The following KCP variants were observed in gnomAD, a reference collection of about 807,000 sequenced individuals.
KCP encodes kielin/chordin-like protein.
Under a neutral mutation model 212.7 loss-of-function variants are expected in KCP, and 194 were observed. That is an observed-to-expected ratio of 0.91 (90% CI 0.81 to 1.03). The LOEUF is 1.03. Among genes scored for constraint, KCP ranks in the 50% least tolerant of loss-of-function variants. KCP has a pLI of 0.00. For missense variants in KCP, 2,080 were observed against 2,162.5 expected, an observed-to-expected ratio of 0.96 and a Z score of 0.76; for synonymous variants, 833 against 865.3, an observed-to-expected ratio of 0.96 and a Z score of 0.65.
Position 128,880,512 on chromosome 7 carries a change from G to C in KCP, c.3633C>G (p.Cys1211Trp). 6.6e-7 allele frequency: 1 copy of C among 1,509,572 alleles called. No homozygotes were observed. The highest frequency in any genetic ancestry group is 8.9e-7 in the Non-Finnish European group (1 of 1,120,930). The allele number at this position is 1,509,572 out of a possible 1,614,324, so 93.5% of individuals were successfully genotyped here. ...CERCQAPTQS[C>W]VHQGREVASG... ...AGGCCACCTCACGGCCCTGGTGCAC[G>C]CAGGACTGGGTGGGAGCTGAAGGGA... The change falls in exon 34 of 40, where the codon TGC becomes TGG. Residue 1211 changes from cysteine (C) to tryptophan (W), a missense_variant. Coordinates refer to ENST00000610776, the MANE Select transcript of KCP (RefSeq NM_001366122.1).
chr7:128,882,079 T>C, intron 29 of KCP, 63 bp from the exon 30 acceptor site: 1 of 1,283,440 alleles, frequency 7.8e-7, no homozygotes, highest in Non-Finnish European at 1.1e-6. Context: ...AAATCCCAGC[T>C]GTCCCCATGC....
At chr7:128,880,117 C>T in intron 34 of KCP, 32 bp from the exon 35 acceptor site, 1 of 1,487,434 alleles carries the variant, frequency 6.7e-7, no homozygotes, top group Non-Finnish European at 9.0e-7. Context: ...GTCAGACACA[C>T]CGCCCTCCCC....
intron 21 of KCP, 104 bp downstream of exon 21, chr7:128,890,239 T>G: frequency 1.9e-6 from 3 of 1,543,010 alleles, no homozygotes; most frequent in South Asian, 2.4e-5. Flanking sequence ...TTTCTTACTG[T>G]AATAAATATT....
chr7:128,892,484 T>C, intron 16 of KCP, 30 bp downstream of exon 16: 1 of 1,444,568 alleles, frequency 6.9e-7, no homozygotes, highest in Non-Finnish European at 9.3e-7. Flanking sequence ...GGGGCCCTGA[T>C]CCCCTCAGGC....
At chr7:128,889,156 G>C in intron 21 of KCP, 117 bp from the exon 22 acceptor site, 1 of 759,010 alleles carries the variant, frequency 1.3e-6, no homozygotes, top group East Asian at 3.3e-5. Flanking sequence ...ATCTAGCGTG[G>C]GGGCTGGGGG....
At chr7:128,888,028 CACACAT>C (rs1179898045) in intron 22 of KCP, among the ~76,000 whole-genome samples, 1 of 122,744 alleles carries the variant, frequency 8.1e-6, no homozygotes, top group African/African-American at 3.2e-5. Context: ...CAGCCACACA[CACACAT>C]ACACACACAC....
At chr7:128,886,585 G>T in intron 25 of KCP, 28 bp from the exon 26 acceptor site, 1 of 1,549,508 alleles carries the variant, frequency 6.5e-7, no homozygotes, top group Non-Finnish European at 8.7e-7. Flanking sequence ...ACACTGGCTC[G>T]CTGCCTAGGC....
rs1410641911 is a variant in KCP, at chr7:128,887,314, G to T, written c.2513-14C>A. On this transcript the variant is annotated splice_polypyrimidine_tract_variant and intron_variant, in intron 22 of 39. Transcript: ENST00000610776. ...GGTAGCGGCATCCTGGCAGAGCGGG[G>T]AGTCCAACAGAAGAGCTGCCATCAA... is the stretch of plus-strand genomic sequence containing the variant. The T allele has an allele frequency of 1.1e-5, 17 of 1,547,122 alleles. No homozygotes were observed. The highest frequency in any genetic ancestry group is 1.4e-5 in the Non-Finnish European group (16 of 1,143,744).
In KCP at chr7:128,908,410, A is replaced by C. The variant is rs7786945; in HGVS notation, c.219+16T>G. ...CCCTCCTTACCCAATGCAAACCAGC[A>C]CTGTCTCCATGGTACCTGTTCTCTG... is the stretch of plus-strand genomic sequence containing the variant. On this transcript the variant is annotated intron_variant, in intron 2 of 39. Coordinates refer to ENST00000610776, the MANE Select transcript of KCP (RefSeq NM_001366122.1). The C allele has an allele frequency of 0.2, 313,522 of 1,546,988 alleles. 38,826 individuals are homozygous for C. Among genetic ancestry groups the C allele is most frequent in the East Asian group, 0.52 (21,281 of 40,714 alleles).
intron 30 of KCP, 36 bp from the exon 31 acceptor site, chr7:128,881,761 A>AC: frequency 6.7e-7 from 1 of 1,499,630 alleles, no homozygotes; most frequent in Non-Finnish European, 9.0e-7. Context: ...AGAATGGCAG[A>AC]TCTCAGGGAG....
chr7:128,888,280 TCA>T (rs1324831122), intron 22 of KCP, among the ~76,000 whole-genome samples: 8 of 95,996 alleles, frequency 8.3e-5, no homozygotes, highest in Admixed American at 6.9e-4. Flanking sequence ...ACATACACTG[TCA>T]CACACACAGA....
chr7:128,883,106 A>G (rs1793429304), intron 29 of KCP, among the ~76,000 whole-genome samples: 5 of 151,694 alleles, frequency 3.3e-5, no homozygotes, highest in Non-Finnish European at 7.4e-5. Flanking sequence ...ATTGGAGAAA[A>G]TAGGATTATC....
intron 13 of KCP, 108 bp downstream of exon 13, chr7:128,893,130 G>A (rs1488727952): frequency 8.6e-7 from 1 of 1,161,580 alleles, no homozygotes; most frequent in East Asian, 2.6e-5. Flanking sequence ...ACTGTAGAAT[G>A]GCTAGTGGAC....
At position 128,879,786 on chromosome 7, in the gene KCP, A is replaced by G; in HGVS notation, c.3976T>C (p.Trp1326Arg). 1 of 1,550,734 alleles carries G rather than the reference A, an allele frequency of 6.4e-7. No homozygotes were observed. Among genetic ancestry groups the G allele is most frequent in the Non-Finnish European group, 8.7e-7 (1 of 1,146,970 alleles). Residue 1326 changes from tryptophan to arginine, a missense_variant, in exon 36 of 40, where the codon TGG becomes CGG. Transcript: ENST00000610776. Reference sequence around the variant, plus strand: ...AGCAGCACCGCCACCTCCTGGGTCCAGGCCACACCGCTCCGGCCCCGGTCA... The same window carrying G: ...AGCAGCACCGCCACCTCCTGGGTCCGGGCCACACCGCTCCGGCCCCGGTCA... Reference protein sequence around the residue: ...NDDRGRSGVAWTQEVAVLLGD... With the variant: ...NDDRGRSGVARTQEVAVLLGD...
Position 128,891,199 on chromosome 7 carries a change from C to T in KCP, c.1958G>A (p.Cys653Tyr). 1 of 1,543,906 alleles carries T rather than the reference C, an allele frequency of 6.5e-7. No individual in the cohort carries two copies. Among genetic ancestry groups the T allele is most frequent in the African/African-American group, 1.4e-5 (1 of 73,068 alleles). ...PEPVLLPGEC[C>Y]PQCPAAPAPA... ...GCGGCCCCTACCTGGGCACTGCGGG[C>T]AGCACTCTCCCGGCAGCAGGACAGG... The change falls in exon 19 of 40, where the codon TGC (cysteine) becomes TAC (tyrosine). Residue 653 changes from cysteine to tyrosine, a missense_variant. Cys to Tyr is a radical substitution (Grantham distance 194, BLOSUM62 -2). Transcript: ENST00000610776.
intron 25 of KCP, 33 bp from the exon 26 acceptor site, chr7:128,886,590 C>CT: frequency 6.4e-7 from 1 of 1,550,698 alleles, no homozygotes; most frequent in Non-Finnish European, 8.7e-7. Context: ...GGCTCGCTGC[C>CT]TAGGCTGGGG....
Position 128,877,696 on chromosome 7 carries a change from T to C in KCP, c.4406A>G (p.Asn1469Ser), listed in dbSNP as rs921327505. 9.7e-6 allele frequency: 15 copies of C among 1,551,260 alleles called. No individual in the cohort carries two copies. The highest frequency in any genetic ancestry group is 2.0e-5 in the Admixed American group (1 of 51,008). Residue 1469 changes from asparagine to serine, a missense_variant, in exon 39 of 40, where the codon AAT (asparagine) becomes AGT (serine). Physicochemically the swap from Asn to Ser is conservative, Grantham distance 46 (BLOSUM62 1). Coordinates refer to ENST00000610776, the MANE Select transcript of KCP (RefSeq NM_001366122.1). ...GGACTTCAGCACCCCACACCGGGCA[T>C]TGGCCTCACGCCTGGCACGGTAACC... Reference protein sequence around the residue: ...AAGYRARREANARCGVLKSSP... With the variant: ...AAGYRARREASARCGVLKSSP...
At chr7:128,881,141 C>A in intron 31 of KCP, 56 bp from the exon 32 acceptor site, 1 of 399,008 alleles carries the variant, frequency 2.5e-6, no homozygotes, top group South Asian at 1.3e-4. Context: ...TATCCTCCCT[C>A]CTTGGAGCTT....
In KCP at chr7:128,879,911, A is replaced by G. The variant is rs1475245757; in HGVS notation, c.3932+2T>C. On this transcript the variant is annotated splice_donor_variant, in intron 35 of 39. Coordinates refer to ENST00000610776, the MANE Select transcript of KCP (RefSeq NM_001366122.1). LOFTEE classifies it high-confidence loss of function. Reference sequence around the variant, plus strand: ...GGGAGAAGAGAGACAGGGGATGCACACCTGAAGTCCCCGCTGTGGCAGTCC... The same window carrying G: ...GGGAGAAGAGAGACAGGGGATGCACGCCTGAAGTCCCCGCTGTGGCAGTCC... 6 of 1,551,010 alleles carry G rather than the reference A, an allele frequency of 3.9e-6. No individual in the cohort carries two copies. Among genetic ancestry groups the G allele is most frequent in the Non-Finnish European group, 5.2e-6 (6 of 1,146,958 alleles).
Sources: allele counts gnomAD v4.1 joint callset (sites outside exome capture counted in the v4.1 genomes callset), GRCh38; gene constraint gnomAD v4.1.1; transcripts MANE v1.5; gene names NCBI Gene and HGNC (gene_info 2026-07-23, HGNC 2026-07-21).